The following PKD1 variants were observed in gnomAD, a reference collection of about 807,000 sequenced individuals.
The protein encoded by PKD1 is polycystin 1, transient receptor potential channel interacting.
In PKD1, 81 loss-of-function variants were observed where a neutral mutation model predicts 361.7. The observed-to-expected ratio is 0.22, with a 90% CI of 0.19 to 0.27. PKD1 has a LOEUF of 0.27. Among genes scored for constraint, PKD1 ranks in the 10% least tolerant of loss-of-function variants. PKD1 has a pLI of 1.00. For missense variants in PKD1, 6,399 were observed against 6,118.3 expected (o/e 1.05, Z -1.53); for synonymous variants, 3,615 against 2,818.3 (o/e 1.28, Z -8.95).
chr16:2,117,283 A>T (rs2092653583), intron 6 of PKD1, among the ~76,000 whole-genome samples: 1 of 152,156 alleles, frequency 6.6e-6, no homozygotes, highest in South Asian at 2.1e-4. Context: ...TGGCGTGCCC[A>T]GGAGTGTCCG....
chr16:2,097,595 G>C, intron 32 of PKD1, 92 bp from the exon 33 acceptor site: 1 of 1,609,214 alleles, frequency 6.2e-7, no homozygotes, highest in Non-Finnish European at 8.5e-7. Flanking sequence ...CTGGGCTTCC[G>C]AGCAAACCTG....
rs1340680580 is a variant in PKD1 at position 2,111,304 on chromosome 16, T to C, written c.3863A>G (p.His1288Arg). The C allele has an allele frequency of 6.2e-7, 1 of 1,609,098 alleles. No homozygotes were observed. The highest frequency in any genetic ancestry group is 1.3e-5 in the African/African-American group (1 of 74,834). Residue 1288 changes from histidine (H) to arginine (R), a missense_variant, in exon 15 of 46, where the codon CAC (histidine) becomes CGC (arginine). By Grantham distance (29) the His-to-Arg change is conservative (BLOSUM62 0). Transcript: ENST00000262304. ...SPAGHLARSL[H>R]VLVFVLEVLR... ...CACCTCCAGGACGAAGACCAGCACG[T>C]GCAGGCTCCGGGCCAGGTGGCCGGC... is the stretch of plus-strand genomic sequence containing the variant.
At position 2,106,489 on chromosome 16, in the gene PKD1, G is replaced by C. The variant is rs2092340963; in HGVS notation, c.7398C>G (p.Ser2466=). ...AGCCCCCCAGCGGCGGGCGGTTGGGGGACAGGCGGATGGAGGCGCAGCCCT... is the reference window on the plus strand; with the variant it reads ...AGCCCCCCAGCGGCGGGCGGTTGGGCGACAGGCGGATGGAGGCGCAGCCCT... ...EEEGCASIRL[S]PNRPPLGGSC... is the part of the protein sequence containing the mutation. The change falls in exon 18 of 46, where the codon TCC becomes TCG. Residue 2466 remains serine, a synonymous_variant. Transcript: ENST00000262304. The surrounding 1 kb of genome is among the most constrained non-coding windows in gnomAD (Gnocchi z 6.5). 1.9e-6 allele frequency: 3 copies of C among 1,593,898 alleles called. No individual in the cohort carries two copies. Among genetic ancestry groups the C allele is most frequent in the Non-Finnish European group, 2.5e-6 (3 of 1,177,662 alleles).
chr16:2,134,987 G>T (rs2092933426), intron 1 of PKD1: 1 of 436,922 alleles, frequency 2.3e-6, no homozygotes, highest in South Asian at 9.8e-5. Flanking sequence ...CAGCCTCACG[G>T]TCTTTGCTCA....
At position 2,097,966 on chromosome 16, in the gene PKD1, G is replaced by T. The variant is rs751845305; in HGVS notation, c.10069C>A (p.Pro3357Thr). The change falls in exon 31 of 46, where the codon CCC becomes ACC. Residue 3357 changes from proline to threonine, a missense_variant. Pro to Thr is a conservative substitution (Grantham distance 38). Transcript: ENST00000262304. ...SRSKVAGSPSPTPAGQQVLDI... is the reference protein window; with the variant it reads ...SRSKVAGSPSTTPAGQQVLDI... ...AGCACCTGCTGCCCGGCAGGTGTGG[G>T]GCTCGGGCTCCCAGCCACCTGCAGG... is the stretch of plus-strand genomic sequence containing the variant. The T allele has an allele frequency of 2.5e-6, 4 of 1,590,666 alleles. No homozygotes were observed. In the South Asian group the frequency reaches 4.4e-5, roughly 18 times the overall value.
Position 2,093,882 on chromosome 16 carries a change from C to T in PKD1, c.10750G>A (p.Val3584Met), listed in dbSNP as rs927844515. The change falls in exon 36 of 46, where the codon GTG (valine) becomes ATG (methionine). Residue 3584 changes from valine to methionine, a missense_variant. Coordinates refer to ENST00000262304, the MANE Select transcript of PKD1 (RefSeq NM_001009944.3). ...GWVGASFPPG[V>M]SVAWLLSSSA... is the part of the protein sequence containing the mutation. ...CTGGACAGGAGCCACGCAACACTCA[C>T]GCCCGGGGGGAAGCTCGCACCCACC... The T allele has an allele frequency of 2.5e-6, 4 of 1,574,962 alleles. No homozygotes were observed. Among genetic ancestry groups the T allele is most frequent in the East Asian group, 2.3e-5 (1 of 43,134 alleles).
Position 2,090,510 on chromosome 16 carries a change from G to A in PKD1, c.12219C>T (p.Thr4073=). 2.5e-6 allele frequency: 4 copies of A among 1,611,324 alleles called. No homozygotes were observed. The highest frequency in any genetic ancestry group is 2.7e-5 in the African/African-American group (2 of 75,014). The change falls in exon 45 of 46, where the codon ACC becomes ACT. Residue 4073 remains threonine (T), a synonymous_variant. Coordinates refer to ENST00000262304, the MANE Select transcript of PKD1 (RefSeq NM_001009944.3). ...LVLCPGTGLS[T]LCPAESWHLS... ...GGTGCCAGGACTCGGCAGGACACAG[G>A]GTAGAGAGCCCAGTCCCAGGGCACA...
chr16:2,117,406 C>T (rs924690185), intron 6 of PKD1, 83 bp downstream of exon 6: 2 of 1,119,482 alleles, frequency 1.8e-6, no homozygotes, highest in Non-Finnish European at 2.5e-6. Context: ...CTCCTTCCTC[C>T]TGAGACTCCC....
intron 40 of PKD1, 56 bp downstream of exon 40, chr16:2,091,991 T>G: frequency 6.2e-7 from 1 of 1,612,390 alleles, no homozygotes; most frequent in South Asian, 1.1e-5. Context: ...GCGGCACTCC[T>G]GGAGAACTAC....
chr16:2,099,369 T>G, intron 30 of PKD1: 1 of 493,994 alleles, frequency 2.0e-6, no homozygotes, highest in Non-Finnish European at 3.7e-6. Context: ...GCCGCGTGCT[T>G]GCTTCTTCTG....
intron 30 of PKD1, chr16:2,098,845 T>C (rs1382207777): frequency 2.2e-5 from 3 of 135,122 alleles, no homozygotes; most frequent in Non-Finnish European, 3.1e-5. Flanking sequence ...TTTTTTTTTT[T>C]TTGGAGATGG....
At chr16:2,126,144 A>G (rs1006273947) in intron 1 of PKD1, among the ~76,000 whole-genome samples, 4 of 152,232 alleles carry the variant, frequency 2.6e-5, no homozygotes, top group African/African-American at 9.6e-5. Flanking sequence ...CAATGATGGT[A>G]CGAGCCATCC....
At chr16:2,112,992 G>A (rs1418526583) in intron 12 of PKD1, 29 bp from the exon 13 acceptor site, 1 of 1,589,716 alleles carries the variant, frequency 6.3e-7, no homozygotes, top group African/African-American at 1.3e-5. Flanking sequence ...GTGAGCCCAG[G>A]TGGCAGGTGA....
intron 23 of PKD1, 47 bp downstream of exon 23, chr16:2,103,219 C>A (rs1352035330): frequency 3.8e-6 from 6 of 1,595,176 alleles, no homozygotes; most frequent in Non-Finnish European, 4.3e-6. Context: ...GCCTTCCCCC[C>A]AAGAACAAGG....
In PKD1 at chr16:2,106,458, G is replaced by C; in HGVS notation, c.7429C>G (p.Arg2477Gly). 6.3e-7 allele frequency: 1 copy of C among 1,590,410 alleles called. No individual in the cohort carries two copies. Among genetic ancestry groups the C allele is most frequent in the Non-Finnish European group, 8.5e-7 (1 of 1,174,382 alleles). ...TGCACAGCGCCCAGTGGGAAGAGGC[G>C]GCAAGAGCCCCCCAGCGGCGGGCGG... ...PNRPPLGGSC[R>G]LFPLGAVHAL... The change falls in exon 18 of 46, where the codon CGC becomes GGC. Residue 2477 changes from arginine to glycine, a missense_variant. Transcript: ENST00000262304. The surrounding 1 kb of genome is among the most constrained non-coding windows in gnomAD (Gnocchi z 6.5).
chr16:2,096,217 C>G (rs1227030571), intron 34 of PKD1, among the ~76,000 whole-genome samples: 1 of 152,274 alleles, frequency 6.6e-6, no homozygotes, highest in African/African-American at 2.4e-5. Context: ...AACCCAGACA[C>G]CGCAGCCCCT....
In PKD1 at chr16:2,101,836, G is replaced by A. The variant is rs1472548189; in HGVS notation, c.9397+225C>T. On this transcript the variant is annotated intron_variant, in intron 26 of 45. Transcript: ENST00000262304. ...CACGCTACTGTGCAGAACGTGGGCT[G>A]CCCACCCTGACTGACTGGCACCTAC... 2.6e-5 allele frequency: 16 copies of A among 615,616 alleles called. No individual in the cohort carries two copies. The East Asian group carries it at 3.8e-4, about 15-fold the overall frequency. The allele number at this position is 615,616 out of a possible 1,614,324, so 38.1% of individuals were successfully genotyped here. A position where few individuals can be genotyped will look rare whatever the true frequency, so the allele number is the denominator to read the frequency against.
chr16:2,106,171 C>T lies in PKD1; in HGVS notation c.7623G>A (p.Pro2541=), dbSNP rs568636677. The T allele has an allele frequency of 2.3e-5, 37 of 1,609,252 alleles. No individual in the cohort carries two copies. The highest frequency in any genetic ancestry group is 8.9e-5 in the East Asian group (4 of 44,808). ...SLSSYGAVLP[P]GFRPHFEVGL... is the part of the protein sequence containing the mutation. ...CCACCTCGAAGTGTGGCCTGAAACC[C>T]GGGGGCAGCACGGCTCCGTAGCTGG... Residue 2541 remains proline, a synonymous_variant, in exon 19 of 46, where the codon CCG becomes CCA. Coordinates refer to ENST00000262304, the MANE Select transcript of PKD1 (RefSeq NM_001009944.3). This position sits in a 1 kb window ranked among gnomAD's most constrained non-coding sequence, Gnocchi z 6.5.
rs767444189 is a variant in PKD1, at chr16:2,109,086, G to A, written c.6081C>T (p.Thr2027=). The A allele has an allele frequency of 4.4e-6, 7 of 1,604,096 alleles. No individual in the cohort carries two copies. Among genetic ancestry groups the A allele is most frequent in the East Asian group, 2.2e-5 (1 of 44,658 alleles). Residue 2027 remains threonine, a synonymous_variant, in exon 15 of 46, where the codon ACC becomes ACT. Transcript: ENST00000262304. ...ACAGCCCCGCGGCCACGGGCGTGTA[G>A]GTGACGTCGCGGCCCGACAGGATGA... ...SLVILSGRDV[T]YTPVAAGLLE...
Sources: allele counts gnomAD v4.1 joint callset (sites outside exome capture counted in the v4.1 genomes callset), GRCh38; gene constraint gnomAD v4.1.1; non-coding constraint Gnocchi (gnomAD v3.1); transcripts MANE v1.5; gene names NCBI Gene and HGNC (gene_info 2026-07-23, HGNC 2026-07-21).